Variants in GALM observed in about 807,000 individuals in gnomAD.
GALM encodes the protein galactose mutarotase.
In GALM, 43 loss-of-function variants were observed where a neutral mutation model predicts 37.4. The observed-to-expected ratio is 1.15, with a 90% CI of 0.90 to 1.48. GALM has a LOEUF of 1.48. Among genes scored for constraint, GALM ranks in the 40% most tolerant of loss-of-function variants. GALM has a pLI of 0.00. For synonymous variants in GALM, 199 were observed against 170.6 expected, an observed-to-expected ratio of 1.17 and a Z score of -1.30; for missense variants, 456 against 419.1, an observed-to-expected ratio of 1.09 and a Z score of -0.77.
Position 38,670,726 on chromosome 2 carries a change from C to A in GALM, c.190+4375C>A, listed in dbSNP as rs536508328. 4.6e-5 allele frequency among the ~76,000 whole-genome samples: 7 copies of A among 152,318 alleles called. No homozygotes were observed. The East Asian group carries it at 7.7e-4, about 17-fold the overall frequency. ...TCTTTCCTTTGCCCCCAAATACCAT[C>A]TCTGACTCTACTAGAACTTTTTATT... On this transcript the variant is annotated intron_variant, in intron 1 of 6. Coordinates refer to ENST00000272252, the MANE Select transcript of GALM (RefSeq NM_138801.3).
chr2:38,733,647 C>G lies in GALM; in HGVS notation c.*82C>G, dbSNP rs937055711. On this transcript the variant is annotated 3_prime_UTR_variant, in exon 7 of 7. Transcript: ENST00000272252. Reference sequence around the variant, plus strand: ...CAGAAAAAAGGTGAAGATTAAGAAGCTTTCAGAATGATTCTATGGATTAAA... The same window carrying G: ...CAGAAAAAAGGTGAAGATTAAGAAGGTTTCAGAATGATTCTATGGATTAAA... 1.1e-5 allele frequency: 11 copies of G among 992,170 alleles called. No individual in the cohort carries two copies. The highest frequency in any genetic ancestry group is 1.0e-4 in the Admixed American group (6 of 58,520). The allele number at this position is 992,170 out of a possible 1,614,324, so 61.5% of individuals were successfully genotyped here. A position where few individuals can be genotyped will look rare whatever the true frequency, so the allele number is the denominator to read the frequency against.
intron 3 of GALM, among the ~76,000 whole-genome samples, chr2:38,687,171 G>T (rs538388994): frequency 6.6e-6 from 1 of 152,292 alleles, no homozygotes; most frequent in South Asian, 2.1e-4. Flanking sequence ...GGCATCTCCA[G>T]GTGCTGGCAC....
intron 4 of GALM, among the ~76,000 whole-genome samples, chr2:38,728,871 TG>T (rs1666539513): frequency 6.6e-6 from 1 of 152,182 alleles, no homozygotes; most frequent in Non-Finnish European, 1.5e-5. Context: ...TACTCCTGGG[TG>T]GGCCATAATT....
intron 2 of GALM, among the ~76,000 whole-genome samples, chr2:38,679,660 G>A (rs1005447536): frequency 6.6e-6 from 1 of 152,126 alleles, no homozygotes; most frequent in African/African-American, 2.4e-5. Context: ...AAGGCACTGG[G>A]AATCTCTGGC....
At chr2:38,719,803 G>C (rs1221992083) in intron 4 of GALM, among the ~76,000 whole-genome samples, 1 of 148,642 alleles carries the variant, frequency 6.7e-6, no homozygotes, top group Non-Finnish European at 1.5e-5. Context: ...ATTAGGATCT[G>C]TCACACCTCA....
At chr2:38,702,494 T>G (rs2148443644) in intron 4 of GALM, among the ~76,000 whole-genome samples, 1 of 152,168 alleles carries the variant, frequency 6.6e-6, no homozygotes, top group Admixed American at 6.5e-5. Context: ...TAACCTCTTC[T>G]TTGCTACATG....
Position 38,731,756 on chromosome 2 carries a change from G to A in GALM, c.798G>A (p.Gly266=). 1.2e-6 allele frequency: 2 copies of A among 1,613,938 alleles called. No individual in the cohort carries two copies. Among genetic ancestry groups the A allele is most frequent in the Non-Finnish European group, 1.7e-6 (2 of 1,179,914 alleles). ...FCARVHHAAS[G]RVLEVYTTQP... is the part of the protein sequence containing the mutation. ...CCAGGGTGCATCATGCTGCAAGCGG[G>A]CGGGTACTAGAAGTATACACCACCC... is the stretch of plus-strand genomic sequence containing the variant. The change falls in exon 6 of 7, where the codon GGG becomes GGA. Residue 266 remains glycine (G), a synonymous_variant. Coordinates refer to ENST00000272252, the MANE Select transcript of GALM (RefSeq NM_138801.3).
At chr2:38,676,147 C>G in intron 2 of GALM, 81 bp downstream of exon 2, 1 of 1,410,200 alleles carries the variant, frequency 7.1e-7, no homozygotes, top group South Asian at 1.2e-5. Flanking sequence ...GTCATAGGCC[C>G]TAGAGCACAT....
rs866994958 is a variant in GALM at position 38,734,659 on chromosome 2, G to C, written c.*1094G>C. 6 of 139,672 alleles carry C rather than the reference G, an allele frequency of 4.3e-5. No homozygotes were observed. Among genetic ancestry groups the C allele is most frequent in the African/African-American group, 1.4e-4 (5 of 36,688 alleles). 8.7% of individuals were successfully genotyped at this position (139,672 alleles called of 1,614,324 possible). ...GCTCCTTCTTTCCTAGACAATCAAA[G>C]TATCAGTGATGGGTTTTGGTTGGTG... On this transcript the variant is annotated 3_prime_UTR_variant, in exon 7 of 7. Coordinates refer to ENST00000272252, the MANE Select transcript of GALM (RefSeq NM_138801.3).
chr2:38,681,610 G>C (rs1035308597), intron 3 of GALM, 124 bp downstream of exon 3: 1 of 773,668 alleles, frequency 1.3e-6, no homozygotes, highest in Non-Finnish European at 2.2e-6. Context: ...TGATGAAAAG[G>C]GCCCAGCAGA....
chr2:38,683,220 C>CT (rs1014294825), intron 3 of GALM, among the ~76,000 whole-genome samples: 1 of 152,066 alleles, frequency 6.6e-6, no homozygotes, highest in Non-Finnish European at 1.5e-5. Flanking sequence ...TTTACTAAGG[C>CT]TTTTTACGAC....
At chr2:38,674,784 G>GT (rs1665200975) in intron 1 of GALM, among the ~76,000 whole-genome samples, 1 of 152,176 alleles carries the variant, frequency 6.6e-6, no homozygotes, top group Non-Finnish European at 1.5e-5. Context: ...GTGTTATACA[G>GT]TCCCCCTTCA....
intron 1 of GALM, among the ~76,000 whole-genome samples, chr2:38,674,489 C>G (rs1478947017): frequency 6.6e-6 from 1 of 152,028 alleles, no homozygotes; most frequent in Non-Finnish European, 1.5e-5. Context: ...CGCCTGGACA[C>G]AACTTTTAAA....
chr2:38,707,815 T>C (rs141002581), intron 4 of GALM, among the ~76,000 whole-genome samples: 2 of 151,906 alleles, frequency 1.3e-5, no homozygotes, highest in East Asian at 3.9e-4. Context: ...AAAAAAAATA[T>C]AAAAATTAGC....
chr2:38,682,393 A>G (rs1665419129), intron 3 of GALM: 3 of 290,382 alleles, frequency 1.0e-5, no homozygotes, highest in South Asian at 8.7e-5. Flanking sequence ...TTCTACCGCA[A>G]GATGGTGTTC....
intron 4 of GALM, among the ~76,000 whole-genome samples, chr2:38,703,054 T>TTTTATATATATATA (rs1217839668): frequency 7.2e-5 from 1 of 13,944 alleles, no homozygotes; most frequent in Non-Finnish European, 1.5e-4. Context: ...ATGTGGGATT[T>TTTTATATATATATA]TATATATATA....
At chr2:38,681,550 A>T (rs1665397647) in intron 3 of GALM, 64 bp downstream of exon 3, 2 of 1,361,144 alleles carry the variant, frequency 1.5e-6, no homozygotes, top group Admixed American at 1.7e-5. Context: ...CTGTGGCTAG[A>T]GAGATCAGAG....
rs367689133 is a variant in GALM, at chr2:38,675,955, G to A, written c.234G>A (p.Arg78=). The stretch of plus-strand genomic sequence containing the variant: ...CATACTTTGGAGCAGTTATTGGGAG[G>A]GTGGCCAACCGAATCGCCAAAGGAA... ...KQPYFGAVIG[R]VANRIAKGTF... Residue 78 remains arginine, a synonymous_variant, in exon 2 of 7, where the codon AGG becomes AGA. Coordinates refer to ENST00000272252, the MANE Select transcript of GALM (RefSeq NM_138801.3). The A allele has an allele frequency of 5.6e-6, 9 of 1,614,054 alleles. No individual in the cohort carries two copies. The Admixed American group carries it at 1.2e-4, about 21-fold the overall frequency.
At chr2:38,700,188 G>A (rs948710462) in intron 4 of GALM, among the ~76,000 whole-genome samples, 1 of 152,182 alleles carries the variant, frequency 6.6e-6, no homozygotes, top group African/African-American at 2.4e-5. Flanking sequence ...CTGGCCTCAA[G>A]TGATCCGCCC....
Sources: gnomAD v4.1 joint callset for allele counts (sites outside exome capture counted in the v4.1 genomes callset) on GRCh38, gnomAD v4.1.1 for gene constraint, MANE v1.5 for transcripts, NCBI Gene and HGNC (gene_info 2026-07-23, HGNC 2026-07-21) for gene names.